The following RAPGEF1 variants were observed in gnomAD, a reference collection of about 807,000 sequenced individuals.
RAPGEF1 encodes CRK SH3-binding GNRP.
RAPGEF1 carries 33 observed loss-of-function variants against 143.3 expected under a neutral mutation model. That is an observed-to-expected ratio of 0.23 (90% CI 0.17 to 0.31). The LOEUF is 0.31. Among genes scored for constraint, RAPGEF1 ranks in the 10% least tolerant of loss-of-function variants. The pLI is 1.00. For missense variants in RAPGEF1, 1,199 were observed against 1,645.4 expected, an observed-to-expected ratio of 0.73 and a Z score of 4.69; for synonymous variants, 629 against 676.5, an observed-to-expected ratio of 0.93 and a Z score of 1.09.
At chr9:131,673,521 G>C (rs1430540931) in intron 1 of RAPGEF1, among the ~76,000 whole-genome samples, 1 of 152,196 alleles carries the variant, frequency 6.6e-6, no homozygotes, top group African/African-American at 2.4e-5. Flanking sequence ...TTACATTTAA[G>C]ATGGACTTAG....
intron 1 of RAPGEF1, among the ~76,000 whole-genome samples, chr9:131,690,625 C>T (rs945029729): frequency 6.6e-6 from 1 of 151,740 alleles, no homozygotes; most frequent in Non-Finnish European, 1.5e-5. Flanking sequence ...ATGGCAAAAC[C>T]TCATCTCTAC....
intron 15 of RAPGEF1, among the ~76,000 whole-genome samples, chr9:131,599,128 TTTG>T (rs1218354333): frequency 7.9e-6 from 1 of 126,074 alleles, no homozygotes. Context: ...CAGCCACTTA[TTTG>T]TTTTTTTTTT....
At chr9:131,713,172 C>T (rs1244189738) in intron 1 of RAPGEF1, among the ~76,000 whole-genome samples, 2 of 152,192 alleles carry the variant, frequency 1.3e-5, no homozygotes, top group East Asian at 1.9e-4. Flanking sequence ...AGTTTCCAAG[C>T]CTTGCACAAA....
intron 1 of RAPGEF1, among the ~76,000 whole-genome samples, chr9:131,729,933 G>T (rs184414186): frequency 6.6e-6 from 1 of 152,028 alleles, no homozygotes; most frequent in East Asian, 1.9e-4. Flanking sequence ...AGTGGCTCAC[G>T]CCTGTAATCC....
intron 12 of RAPGEF1, among the ~76,000 whole-genome samples, chr9:131,609,936 A>T (rs914679547): frequency 2.6e-5 from 4 of 152,136 alleles, no homozygotes; most frequent in Admixed American, 2.0e-4. Context: ...TCGCTCTGTC[A>T]CCCAGGTTGG....
At chr9:131,599,074 C>T (rs1955806809) in intron 15 of RAPGEF1, among the ~76,000 whole-genome samples, 1 of 151,408 alleles carries the variant, frequency 6.6e-6, no homozygotes, top group African/African-American at 2.4e-5. Context: ...CTGCCCAATT[C>T]GGCTTCCCAA....
intron 1 of RAPGEF1, among the ~76,000 whole-genome samples, chr9:131,726,955 G>A (rs1356146052): frequency 1.3e-5 from 2 of 152,110 alleles, no homozygotes; most frequent in African/African-American, 2.4e-5. Flanking sequence ...TGTGAGCCAC[G>A]ATGGTACCAC....
intron 3 of RAPGEF1, among the ~76,000 whole-genome samples, chr9:131,646,470 C>T (rs1175218794): frequency 4.6e-5 from 7 of 152,328 alleles, no homozygotes; most frequent in African/African-American, 1.7e-4. Context: ...CCTTTCCTGC[C>T]CCGTGGGCCA....
Position 131,583,988 on chromosome 9 carries a change from C to G in RAPGEF1, c.3414+323G>C, listed in dbSNP as rs557085163. ...CCAGCACCTACCGCAGTGCCCGGCC[C>G]GAAGCAGACCCTTCAGAAGAACGGG... On this transcript the variant is annotated intron_variant, in intron 24 of 26. Coordinates refer to ENST00000683357, the MANE Select transcript of RAPGEF1 (RefSeq NM_001377935.1). This position sits in a 1 kb window ranked among gnomAD's most constrained non-coding sequence, Gnocchi z 4.7. Among the ~76,000 whole-genome samples, 6 of 152,226 alleles carry G rather than the reference C, an allele frequency of 3.9e-5. No homozygotes were observed. The highest frequency in any genetic ancestry group is 1.4e-4 in the African/African-American group (6 of 41,460).
At chr9:131,642,256 C>G (rs538816968) in intron 4 of RAPGEF1, among the ~76,000 whole-genome samples, 53 of 152,342 alleles carry the variant, frequency 3.5e-4, no homozygotes, top group African/African-American at 1.2e-3. Flanking sequence ...AAGGCCGGCT[C>G]CATGTCCCCT....
intron 15 of RAPGEF1, 46 bp from the exon 16 acceptor site, chr9:131,598,356 C>T (rs1174264227): frequency 2.0e-6 from 3 of 1,529,734 alleles, no homozygotes; most frequent in African/African-American, 2.7e-5. Flanking sequence ...ACCGGCTCAG[C>T]TCCCGATGCC....
chr9:131,587,031 C>T (rs1302821143), intron 22 of RAPGEF1, among the ~76,000 whole-genome samples: 2 of 130,962 alleles, frequency 1.5e-5, no homozygotes, highest in African/African-American at 6.1e-5. Context: ...CACACACACA[C>T]ACACACACCC....
intron 12 of RAPGEF1, among the ~76,000 whole-genome samples, chr9:131,612,942 A>C (rs1369957174): frequency 6.6e-6 from 1 of 152,204 alleles, no homozygotes; most frequent in Non-Finnish European, 1.5e-5. Flanking sequence ...CATCTGTTAC[A>C]TGGGAGCTAG....
intron 16 of RAPGEF1, among the ~76,000 whole-genome samples, chr9:131,596,706 T>C (rs1041468682): frequency 1.3e-5 from 2 of 152,098 alleles, no homozygotes; most frequent in African/African-American, 4.8e-5. Flanking sequence ...CCTTCCTTGC[T>C]CACCAAACCA....
At position 131,739,779 on chromosome 9, in the gene RAPGEF1, C is replaced by A; in HGVS notation, c.52G>T (p.Glu18Ter). Reference protein sequence around the residue: ...RRSPEMSGKIEKADSQRSHLS... With the variant: ...RRSPEMSGKI Reference sequence around the variant, plus strand: ...CACGCCCGCGCCTCACCTGCTTTCTCGATCTTGCCGGACATTTCCGGGCTG... The same window carrying A: ...CACGCCCGCGCCTCACCTGCTTTCTAGATCTTGCCGGACATTTCCGGGCTG... Residue 18 changes from glutamate to a stop codon, truncating the protein, a stop_gained, in exon 1 of 27, where the codon GAG (glutamate) becomes TAG (stop). Transcript: ENST00000683357. LOFTEE classifies it high-confidence loss of function. The A allele has an allele frequency of 1.7e-6, 2 of 1,174,544 alleles. No homozygotes were observed. Among genetic ancestry groups the A allele is most frequent in the South Asian group, 3.5e-5 (2 of 57,076 alleles). The allele number at this position is 1,174,544 out of a possible 1,614,324, so 72.8% of individuals were successfully genotyped here. A position where few individuals can be genotyped will look rare whatever the true frequency, so the allele number is the denominator to read the frequency against.
intron 20 of RAPGEF1, among the ~76,000 whole-genome samples, chr9:131,588,322 G>C (rs923106093): frequency 6.6e-6 from 1 of 152,238 alleles, no homozygotes; most frequent in African/African-American, 2.4e-5. Flanking sequence ...ATGCCAAGAA[G>C]GCTCGCTCAC....
chr9:131,671,073 T>A (rs956110997), intron 1 of RAPGEF1, among the ~76,000 whole-genome samples: 2 of 152,196 alleles, frequency 1.3e-5, no homozygotes, highest in Admixed American at 1.3e-4. Flanking sequence ...CCCCACACTG[T>A]CCGGGGAATG....
intron 3 of RAPGEF1, among the ~76,000 whole-genome samples, chr9:131,648,590 C>T (rs1208751610): frequency 1.3e-5 from 2 of 152,110 alleles, no homozygotes. Context: ...CATTCGGCTA[C>T]AAGAGGTTAC....
chr9:131,633,391 G>A (rs549116654), intron 5 of RAPGEF1, among the ~76,000 whole-genome samples: 11 of 152,278 alleles, frequency 7.2e-5, no homozygotes, highest in South Asian at 2.1e-4. Context: ...GTTAAAGAGC[G>A]CCAGAACACA....
Sources: allele counts gnomAD v4.1 joint callset (sites outside exome capture counted in the v4.1 genomes callset), GRCh38; gene constraint gnomAD v4.1.1; non-coding constraint Gnocchi (gnomAD v3.1); transcripts MANE v1.5; gene names NCBI Gene and HGNC (gene_info 2026-07-23, HGNC 2026-07-21).